IL18RAP: variants seen among roughly 807,000 people sequenced by gnomAD.
The protein encoded by IL18RAP is interleukin-18 receptor accessory protein.
Under a neutral mutation model 58.1 loss-of-function variants are expected in IL18RAP, and 37 were observed. The observed-to-expected ratio is 0.64, with a 90% CI of 0.49 to 0.84. The LOEUF is 0.84. IL18RAP is among the 40% of genes least tolerant of loss of function. The probability of loss-of-function intolerance (pLI) is 0.00; values close to 1 mark genes in which losing one functional copy is unlikely to be tolerated. For synonymous variants in IL18RAP, 268 were observed against 257.5 expected, an observed-to-expected ratio of 1.04 and a Z score of -0.39; for missense variants, 667 against 704.8, an observed-to-expected ratio of 0.95 and a Z score of 0.61.
At chr2:102,429,367 C>T (rs530357478) in intron 3 of IL18RAP, among the ~76,000 whole-genome samples, 3 of 151,920 alleles carry the variant, frequency 2.0e-5, no homozygotes, top group South Asian at 2.1e-4. Context: ...TATAATTGTT[C>T]GTAGTAGTTT....
At chr2:102,420,252 G>C (rs569644556), upstream of IL18RAP, among the ~76,000 whole-genome samples, 2 of 152,228 alleles carry the variant, frequency 1.3e-5, no homozygotes, top group East Asian at 1.9e-4. Flanking sequence ...CCCTGAGCAG[G>C]GTTTCCCAAA....
chr2:102,448,383 C>T (rs1304725692), intron 8 of IL18RAP, among the ~76,000 whole-genome samples: 1 of 152,130 alleles, frequency 6.6e-6, no homozygotes, highest in East Asian at 1.9e-4. Context: ...TAATGAAGTG[C>T]CTGTCAATAT....
rs751056931 is a variant in IL18RAP, at chr2:102,436,819, G to GTATA, written c.580-383_580-380dup. ...TATGTATATATATGTGTGTGTGTGT[G>GTATA]TATATATATATATGTATGTATACAC... On this transcript the variant is annotated intron_variant, in intron 3 of 9. Coordinates refer to ENST00000687160, the MANE Select transcript of IL18RAP (RefSeq NM_001393487.1). 1.3e-4 allele frequency among the ~76,000 whole-genome samples: 20 copies of GTATA among 149,974 alleles called. 1 individual carries two copies. Among genetic ancestry groups the GTATA allele is most frequent in the East Asian group, 3.9e-4 (2 of 5,116 alleles).
intron 8 of IL18RAP, among the ~76,000 whole-genome samples, chr2:102,448,960 C>CA (rs10566180): frequency 0.012 from 778 of 67,070 alleles, 15 homozygotes; most frequent in East Asian, 0.091. Context: ...TACCCTATCT[C>CA]AAAAAAAAAA....
At chr2:102,427,802 T>C (rs1056709251) in intron 3 of IL18RAP, among the ~76,000 whole-genome samples, 1 of 152,030 alleles carries the variant, frequency 6.6e-6, no homozygotes, top group African/African-American at 2.4e-5. Context: ...TTTCCCTCTA[T>C]GTTTTCTTTT....
In IL18RAP at chr2:102,452,212, C is replaced by T. The variant is rs763589121; in HGVS notation, c.*31C>T. ...GCCCTGGAGCCCCCTCCAGTCCAGT[C>T]CCTGGGATAGAGATGTTGCTGGACA... On this transcript the variant is annotated 3_prime_UTR_variant, in exon 10 of 10. Coordinates refer to ENST00000687160, the MANE Select transcript of IL18RAP (RefSeq NM_001393487.1). The T allele has an allele frequency of 3.9e-6, 6 of 1,546,556 alleles. No homozygotes were observed. Among genetic ancestry groups the T allele is most frequent in the Non-Finnish European group, 5.2e-6 (6 of 1,147,550 alleles).
chr2:102,448,066 G>T (rs980317305), intron 8 of IL18RAP, among the ~76,000 whole-genome samples: 1 of 152,116 alleles, frequency 6.6e-6, no homozygotes, highest in African/African-American at 2.4e-5. Flanking sequence ...CCCAGTACAC[G>T]GTAAATAGCT....
intron 4 of IL18RAP, chr2:102,438,949 T>A (rs1477412922): frequency 6.6e-6 from 1 of 152,248 alleles, no homozygotes; most frequent in Non-Finnish European, 1.5e-5. Flanking sequence ...CCGCTCCAAG[T>A]GAGAGCTGAT....
chr2:102,445,446 G>A (rs1683356540), intron 7 of IL18RAP, 106 bp downstream of exon 7: 1 of 1,204,106 alleles, frequency 8.3e-7, no homozygotes, highest in Non-Finnish European at 1.2e-6. Flanking sequence ...CATTTTCTAG[G>A]TGACAGACAT....
intron 3 of IL18RAP, among the ~76,000 whole-genome samples, chr2:102,428,197 C>G (rs1446594066): frequency 6.6e-6 from 1 of 151,558 alleles, no homozygotes; most frequent in Non-Finnish European, 1.5e-5. Context: ...TTTTGTGGTT[C>G]CATATGAATT....
chr2:102,426,364 G>A (rs1191351079), intron 3 of IL18RAP, among the ~76,000 whole-genome samples: 1 of 152,066 alleles, frequency 6.6e-6, no homozygotes, highest in Non-Finnish European at 1.5e-5. Context: ...CCCTGGGCTT[G>A]GAGTCTCTGG....
chr2:102,419,180 C>T (rs1045549098), upstream of IL18RAP, among the ~76,000 whole-genome samples: 14 of 152,074 alleles, frequency 9.2e-5, no homozygotes, highest in African/African-American at 3.4e-4. Context: ...GAGCATTTTA[C>T]AGGAAGGGCT....
At chr2:102,433,583 G>A (rs1008470457) in intron 3 of IL18RAP, among the ~76,000 whole-genome samples, 23 of 151,512 alleles carry the variant, frequency 1.5e-4, no homozygotes, top group African/African-American at 5.1e-4. Flanking sequence ...AGGCTAGAGC[G>A]CATCTAGCTC....
At chr2:102,441,661 G>A (rs1383364278) in intron 5 of IL18RAP, among the ~76,000 whole-genome samples, 2 of 152,174 alleles carry the variant, frequency 1.3e-5, no homozygotes, top group African/African-American at 4.8e-5. Flanking sequence ...GCTGAGGTGG[G>A]TAGATCACTT....
upstream of IL18RAP, among the ~76,000 whole-genome samples, chr2:102,421,164 C>G (rs11465684): frequency 1.3e-5 from 2 of 151,282 alleles, no homozygotes; most frequent in African/African-American, 4.8e-5. Flanking sequence ...TGGGATGGAA[C>G]TTATATTCTA....
In IL18RAP at chr2:102,424,239, A is replaced by G. The variant is rs367613811; in HGVS notation, c.404A>G (p.Tyr135Cys). The change falls in exon 3 of 10, where the codon TAT becomes TGT. Residue 135 changes from tyrosine to cysteine, a missense_variant. Transcript: ENST00000687160. ...ICRPKMIKSP[Y>C]DVACCVKMIL... ...TCTTGTTAATTTCCTAGGAGCCCCT[A>G]TGATGTAGCCTGTTGTGTCAAGATG... 1.1e-4 allele frequency: 182 copies of G among 1,613,868 alleles called. 1 individual carries two copies. The highest frequency in any genetic ancestry group is 9.9e-4 in the Middle Eastern group (6 of 6,084).
rs1683721758 is a variant in IL18RAP, at chr2:102,450,907, G to A, written c.1270G>A (p.Ala424Thr). The change falls in exon 9 of 10, where the codon GCC (alanine) becomes ACC (threonine). Residue 424 changes from alanine (A) to threonine (T), a missense_variant. Ala to Thr is a moderately conservative substitution (Grantham distance 58). Coordinates refer to ENST00000687160, the MANE Select transcript of IL18RAP (RefSeq NM_001393487.1). ...YAKWSSFPSE[A>T]TSSLSEEHLA... ...AAAATGGAGCTCTTTTCCAAGTGAG[G>A]CCACTTCATCTCTGAGTGAAGAACA... The A allele has an allele frequency of 1.2e-6, 2 of 1,611,624 alleles. No homozygotes were observed. The highest frequency in any genetic ancestry group is 1.7e-6 in the Non-Finnish European group (2 of 1,179,048).
chr2:102,431,032 T>G, intron 3 of IL18RAP, among the ~76,000 whole-genome samples: 1 of 152,230 alleles, frequency 6.6e-6, no homozygotes, highest in East Asian at 1.9e-4. Flanking sequence ...TTGAATTTTT[T>G]ACTTTCATAT....
chr2:102,448,131 G>A (rs1359800647), intron 8 of IL18RAP, among the ~76,000 whole-genome samples: 9 of 152,216 alleles, frequency 5.9e-5, no homozygotes, highest in African/African-American at 1.9e-4. Flanking sequence ...TGCCTGCCAT[G>A]TGTGTTAGCT....
Sources: allele counts gnomAD v4.1 joint callset (sites outside exome capture counted in the v4.1 genomes callset), GRCh38; gene constraint gnomAD v4.1.1; transcripts MANE v1.5; gene names NCBI Gene and HGNC (gene_info 2026-07-23, HGNC 2026-07-21).